PEX14: variants seen among roughly 807,000 people sequenced by gnomAD.
PEX14 encodes peroxisomal membrane protein PEX14.
Under a neutral mutation model 49.5 loss-of-function variants are expected in PEX14, and 15 were observed. The observed-to-expected ratio is 0.30, with a 90% CI of 0.20 to 0.47. The LOEUF (loss-of-function observed/expected upper bound fraction) is 0.47. PEX14 is among the 20% of genes least tolerant of loss of function. PEX14 has a pLI of 1.00. For missense variants in PEX14, 398 were observed against 494.8 expected (o/e 0.80, Z 1.86); for synonymous variants, 210 against 212.7 (o/e 0.99, Z 0.11).
At chr1:10,614,307 A>C (rs146541642) in intron 4 of PEX14, among the ~76,000 whole-genome samples, 16 of 152,296 alleles carry the variant, frequency 1.1e-4, no homozygotes, top group African/African-American at 3.1e-4. Flanking sequence ...GACTCTCTGA[A>C]CTTTAGGAAA....
At chr1:10,490,820 A>G (rs1188525) in intron 1 of PEX14, among the ~76,000 whole-genome samples, 114,568 of 150,804 alleles carry the variant, frequency 0.76, 43,999 homozygotes, top group African/African-American at 0.9. Context: ...TCCCACTTCA[A>G]CCTCCTGGGT....
intron 3 of PEX14, among the ~76,000 whole-genome samples, chr1:10,554,336 G>A (rs572359327): frequency 3.3e-5 from 5 of 149,334 alleles, no homozygotes; most frequent in Non-Finnish European, 5.9e-5. Flanking sequence ...TTTACAAAAT[G>A]TGTGGAGCTG....
intron 1 of PEX14, among the ~76,000 whole-genome samples, chr1:10,481,048 A>C (rs1641275330): frequency 6.6e-6 from 1 of 151,940 alleles, no homozygotes; most frequent in Non-Finnish European, 1.5e-5. Context: ...TCTGCACTCA[A>C]ATTTTCACAC....
chr1:10,594,962 G>A (rs928143291), intron 3 of PEX14, among the ~76,000 whole-genome samples: 3 of 152,110 alleles, frequency 2.0e-5, no homozygotes, highest in Admixed American at 6.5e-5. Flanking sequence ...CTGTGGCCAC[G>A]CAGGTCAGAC....
intron 3 of PEX14, among the ~76,000 whole-genome samples, chr1:10,543,397 G>T (rs187710575): frequency 1.1e-4 from 16 of 152,134 alleles, no homozygotes; most frequent in Non-Finnish European, 2.2e-4. Context: ...GCCTCTCAAA[G>T]TGCTGGTATT....
chr1:10,598,649 T>C (rs1426432940), intron 3 of PEX14, among the ~76,000 whole-genome samples: 1 of 152,234 alleles, frequency 6.6e-6, no homozygotes, highest in Non-Finnish European at 1.5e-5. Flanking sequence ...AGTTTGGGCC[T>C]GGCCTTGTTT....
At chr1:10,612,415 A>G (rs192838796) in intron 4 of PEX14, among the ~76,000 whole-genome samples, 6 of 152,258 alleles carry the variant, frequency 3.9e-5, no homozygotes, top group African/African-American at 1.4e-4. Context: ...CTGCCTAAAG[A>G]TGACACTGCT....
chr1:10,556,977 G>A (rs12028449), intron 3 of PEX14, among the ~76,000 whole-genome samples: 38,535 of 151,992 alleles, frequency 0.25, 5,636 homozygotes, highest in Admixed American at 0.34. Context: ...CCTCTCTTGG[G>A]ACTGTTGAGT....
At chr1:10,510,754 T>A (rs1570177440) in intron 2 of PEX14, among the ~76,000 whole-genome samples, 1 of 152,190 alleles carries the variant, frequency 6.6e-6, no homozygotes, top group Non-Finnish European at 1.5e-5. Flanking sequence ...ATGGAGATGA[T>A]GAGCCAAGGA....
intron 1 of PEX14, among the ~76,000 whole-genome samples, chr1:10,485,999 C>G (rs924054102): frequency 6.6e-6 from 1 of 152,048 alleles, no homozygotes; most frequent in Non-Finnish European, 1.5e-5. Flanking sequence ...CTCAGGTGAT[C>G]TGCCTGCCCC....
chr1:10,503,281 C>CAAAA (rs59342388), intron 2 of PEX14, among the ~76,000 whole-genome samples: 73 of 75,336 alleles, frequency 9.7e-4, no homozygotes, highest in African/African-American at 3.5e-3. Flanking sequence ...GACTCTGTCT[C>CAAAA]AAAAAAAAAA....
rs147043673 is a variant in PEX14 at position 10,599,290 on chromosome 1, C to T, written c.222C>T (p.Ala74=). The change falls in exon 4 of 9, where the codon GCC becomes GCT. Residue 74 remains alanine, a synonymous_variant. Transcript: ENST00000356607. ...CCTTCCAGCAGTCGGGCACTGCTGC[C>T]GATGAGCCTTCGTCCTTGGGCCCAG... ...DMAFQQSGTA[A]DEPSSLGPAT... is the part of the protein sequence containing the mutation. The T allele has an allele frequency of 6.3e-5, 102 of 1,613,870 alleles. No homozygotes were observed. In the East Asian group the frequency reaches 9.4e-4, roughly 15 times the overall value.
intron 3 of PEX14, among the ~76,000 whole-genome samples, chr1:10,572,693 C>T (rs764319630): frequency 3.3e-5 from 5 of 151,694 alleles, no homozygotes; most frequent in South Asian, 2.1e-4. Flanking sequence ...CCCCCCACCA[C>T]GCCCAGCTAA....
At chr1:10,560,984 C>T (rs1295848204) in intron 3 of PEX14, among the ~76,000 whole-genome samples, 4 of 152,000 alleles carry the variant, frequency 2.6e-5, no homozygotes, top group Non-Finnish European at 4.4e-5. Context: ...CCCAAAGTGC[C>T]GAGATTACAG....
chr1:10,594,004 C>T (rs1213087921), intron 3 of PEX14, among the ~76,000 whole-genome samples: 1 of 152,148 alleles, frequency 6.6e-6, no homozygotes, highest in Admixed American at 6.5e-5. Context: ...AAATACAGCA[C>T]AGCTTTCCAT....
chr1:10,489,757 C>T (rs1419759911), intron 1 of PEX14, among the ~76,000 whole-genome samples: 1 of 152,236 alleles, frequency 6.6e-6, no homozygotes. Context: ...GTCTCTTCAA[C>T]TTAAGTGGGT....
intron 2 of PEX14, among the ~76,000 whole-genome samples, chr1:10,502,833 G>A (rs1472955381): frequency 7.1e-6 from 1 of 140,640 alleles, no homozygotes; most frequent in Non-Finnish European, 1.5e-5. Context: ...GTCTTTCTCT[G>A]TCACTCAGGC....
At chr1:10,577,853 A>G (rs2124564033) in intron 3 of PEX14, among the ~76,000 whole-genome samples, 1 of 151,188 alleles carries the variant, frequency 6.6e-6, no homozygotes, top group South Asian at 2.1e-4. Context: ...TGCTATACCC[A>G]GCCTGGACAC....
chr1:10,625,235 A>T (rs1641710241), intron 7 of PEX14, among the ~76,000 whole-genome samples: 1 of 152,114 alleles, frequency 6.6e-6, no homozygotes, highest in Non-Finnish European at 1.5e-5. Flanking sequence ...GTCATCCCTG[A>T]GGCGGTATCA....
Sources: gnomAD v4.1 joint callset for allele counts (sites outside exome capture counted in the v4.1 genomes callset) on GRCh38, gnomAD v4.1.1 for gene constraint, MANE v1.5 for transcripts, NCBI Gene and HGNC (gene_info 2026-07-23, HGNC 2026-07-21) for gene names.